The following FGF14 variants were observed in gnomAD, a reference collection of about 807,000 sequenced individuals.
The protein encoded by FGF14 is fibroblast growth factor 14, also known as fibroblast growth factor homologous factor 4.
In FGF14, 5 loss-of-function variants were observed where a neutral mutation model predicts 25.5. That is an observed-to-expected ratio of 0.20 (90% CI 0.10 to 0.41). FGF14 has a LOEUF of 0.41. Ranked by LOEUF, FGF14 falls within the 10% of genes least tolerant of loss-of-function variation. The pLI, the probability that FGF14 is intolerant of heterozygous loss-of-function variation, is 1.00. For synonymous variants in FGF14, 138 were observed against 118.3 expected, an observed-to-expected ratio of 1.17 and a Z score of -1.08; for missense variants, 222 against 320.1, an observed-to-expected ratio of 0.69 and a Z score of 2.34.
rs1446526449 is a variant in FGF14 at position 101,716,605 on chromosome 13, G to A, written c.*6226C>T. Reference sequence around the variant, plus strand: ...TTTTATTTTAATTTATTCCATGGTAGTGTGGCCTTTTAAAAAGACAATATT... The same window carrying A: ...TTTTATTTTAATTTATTCCATGGTAATGTGGCCTTTTAAAAAGACAATATT... On this transcript the variant is annotated 3_prime_UTR_variant, in exon 5 of 5. Transcript: ENST00000376143. The A allele has an allele frequency of 6.6e-6, 1 of 152,032 alleles. No homozygotes were observed. The highest frequency in any genetic ancestry group is 2.4e-5 in the African/African-American group (1 of 41,396). 9.4% of individuals were successfully genotyped at this position (152,032 alleles called of 1,614,324 possible). A position where few individuals can be genotyped will look rare whatever the true frequency, so the allele number is the denominator to read the frequency against.
Position 101,715,357 on chromosome 13 carries a change from C to A in FGF14, c.*7474G>T. 1 of 554,732 alleles carries A rather than the reference C, an allele frequency of 1.8e-6. No homozygotes were observed. 34.4% of individuals were successfully genotyped at this position (554,732 alleles called of 1,614,324 possible). ...TGACTATCTGATCGGTAAAGGGTGGCACCAAATAAATGCCACTAATTGTTT... is the reference window on the plus strand; with the variant it reads ...TGACTATCTGATCGGTAAAGGGTGGAACCAAATAAATGCCACTAATTGTTT... On this transcript the variant is annotated 3_prime_UTR_variant, in exon 5 of 5. Coordinates refer to ENST00000376143, the MANE Select transcript of FGF14 (RefSeq NM_004115.4).
chr13:102,317,156 T>A (rs1485454851), intron 1 of FGF14, among the ~76,000 whole-genome samples: 2 of 152,190 alleles, frequency 1.3e-5, no homozygotes, highest in East Asian at 3.9e-4. Context: ...ACATTTATTC[T>A]GCAAGAAGCC....
At chr13:102,339,087 G>A (rs999528206) in intron 1 of FGF14, among the ~76,000 whole-genome samples, 18 of 151,542 alleles carry the variant, frequency 1.2e-4, no homozygotes, top group Non-Finnish European at 2.1e-4. Context: ...AATCCAATAA[G>A]GGGATTAGAA....
At chr13:101,995,487 A>G (rs566111344) in intron 1 of FGF14, among the ~76,000 whole-genome samples, 5 of 152,286 alleles carry the variant, frequency 3.3e-5, no homozygotes, top group African/African-American at 1.2e-4. Context: ...TATAACATAC[A>G]CTATTTCAAC....
chr13:101,881,876 T>A (rs1276925536), intron 1 of FGF14, among the ~76,000 whole-genome samples: 1 of 152,148 alleles, frequency 6.6e-6, no homozygotes, highest in African/African-American at 2.4e-5. Flanking sequence ...TAAAAGACAC[T>A]TATGGTACTT....
intron 1 of FGF14, among the ~76,000 whole-genome samples, chr13:102,347,898 C>T (rs1480448750): frequency 6.6e-6 from 1 of 151,846 alleles, no homozygotes; most frequent in Non-Finnish European, 1.5e-5. Flanking sequence ...GTGATGATCT[C>T]CCAGGAGGCA....
chr13:102,251,575 C>T (rs576757801), intron 1 of FGF14, among the ~76,000 whole-genome samples: 4 of 152,194 alleles, frequency 2.6e-5, no homozygotes, highest in South Asian at 2.1e-4. Flanking sequence ...AAACAAGGGG[C>T]GAGGAGGGCT....
At chr13:101,959,572 C>G (rs2036715431) in intron 1 of FGF14, among the ~76,000 whole-genome samples, 1 of 152,172 alleles carries the variant, frequency 6.6e-6, no homozygotes, top group Admixed American at 6.5e-5. Context: ...ACGTGCTGAG[C>G]TGTTATTCCA....
intron 1 of FGF14, among the ~76,000 whole-genome samples, chr13:102,262,351 T>C (rs1033066835): frequency 8.5e-5 from 13 of 152,160 alleles, no homozygotes; most frequent in Non-Finnish European, 1.3e-4. Flanking sequence ...TACTATTGCT[T>C]GGACCTCCCT....
chr13:101,983,706 T>C (rs1463204891), intron 1 of FGF14, among the ~76,000 whole-genome samples: 1 of 152,170 alleles, frequency 6.6e-6, no homozygotes, highest in Non-Finnish European at 1.5e-5. Flanking sequence ...GACCTTGAGT[T>C]AGTATTGACA....
At chr13:101,739,861 AGGCCTGGGCCTGCCT>A (rs1459313734) in intron 3 of FGF14, among the ~76,000 whole-genome samples, 1 of 152,220 alleles carries the variant, frequency 6.6e-6, no homozygotes, top group African/African-American at 2.4e-5. Flanking sequence ...GCCTGAAACC[AGGCCTGGGCCTGCCT>A]GGCCTAAACC....
chr13:101,731,480 T>C (rs917256519), intron 3 of FGF14, among the ~76,000 whole-genome samples: 1 of 152,204 alleles, frequency 6.6e-6, no homozygotes. Flanking sequence ...AATGCAATAA[T>C]TAAACAGAAA....
At chr13:102,063,507 T>C (rs61691029) in intron 1 of FGF14, among the ~76,000 whole-genome samples, 6,319 of 151,938 alleles carry the variant, frequency 0.042, 418 homozygotes, top group African/African-American at 0.14. Context: ...TCTCAGCTAC[T>C]TGGGAGGCTG....
rs114329161 is a variant in FGF14, at chr13:102,388,866, C to A, written c.208+12605G>T. Among the ~76,000 whole-genome samples the A allele has an allele frequency of 5.3e-3, 805 of 152,206 alleles. 10 individuals are homozygous for A. The highest frequency in any genetic ancestry group is 0.018 in the African/African-American group (766 of 41,528). ...TCTAGTTCACTAATTTTCACCACAT[C>A]CCAGCTAATTCCTCTACAAGGCTTT... On this transcript the variant is annotated intron_variant, in intron 1 of 4. Transcript: ENST00000376131.
intron 1 of FGF14, among the ~76,000 whole-genome samples, chr13:102,102,981 A>G (rs2044731185): frequency 6.6e-6 from 1 of 152,200 alleles, no homozygotes; most frequent in Admixed American, 6.5e-5. Context: ...AAAGATCTAA[A>G]TTACAAGAGA....
rs187617623 is a variant in FGF14, at chr13:101,909,861, G to C, written c.193+6592C>G. Among the ~76,000 whole-genome samples the C allele has an allele frequency of 3.5e-3, 534 of 152,262 alleles. 3 individuals are homozygous for C. Among genetic ancestry groups the C allele is most frequent in the Non-Finnish European group, 5.5e-3 (374 of 68,036 alleles). On this transcript the variant is annotated intron_variant, in intron 1 of 4. Coordinates refer to ENST00000376143, the MANE Select transcript of FGF14 (RefSeq NM_004115.4). ...CCAACCCAAATGTCCAACAATGATA[G>C]ACTGGGTTAAGAAAATGTGGCACAT...
chr13:101,815,108 A>ATAAC (rs1425303684), intron 3 of FGF14, among the ~76,000 whole-genome samples: 4 of 152,250 alleles, frequency 2.6e-5, no homozygotes, highest in African/African-American at 9.6e-5. Context: ...CAAGAGGGTT[A>ATAAC]GAGGAAGAAT....
chr13:102,255,225 C>G (rs2052378775), intron 1 of FGF14, among the ~76,000 whole-genome samples: 1 of 152,046 alleles, frequency 6.6e-6, no homozygotes, highest in Non-Finnish European at 1.5e-5. Flanking sequence ...AATTTGAGCA[C>G]GATTTGATTT....
rs79937037 is a variant in FGF14, at chr13:102,066,708, C to T, written c.209-191412G>A. Among the ~76,000 whole-genome samples, 241 of 152,238 alleles carry T rather than the reference C, an allele frequency of 1.6e-3. 1 individual carries two copies. The East Asian group carries it at 0.031, about 20-fold the overall frequency. On this transcript the variant is annotated intron_variant, in intron 1 of 4. Coordinates refer to the FGF14 transcript ENST00000376131. ...CTCTCCTTGTTCTTAGGAGTTCTGA[C>T]GGTCTTTCTCTAACTAAGTGATAAT...
Sources: gnomAD v4.1 joint callset for allele counts (sites outside exome capture counted in the v4.1 genomes callset) on GRCh38, gnomAD v4.1.1 for gene constraint, MANE v1.5 for transcripts, NCBI Gene and HGNC (gene_info 2026-07-23, HGNC 2026-07-21) for gene names.